GALNT14: variants seen among roughly 807,000 people sequenced by gnomAD.
GALNT14 encodes the protein polypeptide N-acetylgalactosaminyltransferase 14, also known as UDP-GalNAc:polypeptide N-acetylgalactosaminyltransferase 14.
In GALNT14, 60 loss-of-function variants were observed where a neutral mutation model predicts 77.5. That is an observed-to-expected ratio of 0.77 (90% CI 0.63 to 0.96). The LOEUF is 0.96. GALNT14 is among the 40% of genes least tolerant of loss of function. The pLI is 0.00. For synonymous variants in GALNT14, 280 were observed against 281.7 expected (o/e 0.99, Z 0.06); for missense variants, 710 against 731.0 (o/e 0.97, Z 0.33).
At chr2:31,085,616 C>G (rs1676389629) in intron 1 of GALNT14, among the ~76,000 whole-genome samples, 1 of 152,234 alleles carries the variant, frequency 6.6e-6, no homozygotes, top group African/African-American at 2.4e-5. Context: ...CACCCAGTCC[C>G]CTTCTCCTCC....
intron 1 of GALNT14, among the ~76,000 whole-genome samples, chr2:31,035,005 C>T (rs907741269): frequency 1.3e-5 from 2 of 152,164 alleles, no homozygotes; most frequent in South Asian, 2.1e-4. Context: ...GGTTGTGTTA[C>T]GGTCTAACAT....
intron 1 of GALNT14, among the ~76,000 whole-genome samples, chr2:31,023,969 T>C (rs757821216): frequency 3.3e-5 from 5 of 152,136 alleles, no homozygotes; most frequent in Non-Finnish European, 7.3e-5. Context: ...CACTTCCACT[T>C]TAAGGTCTAA....
At chr2:31,050,836 C>T (rs924050997) in intron 1 of GALNT14, among the ~76,000 whole-genome samples, 1 of 149,294 alleles carries the variant, frequency 6.7e-6, no homozygotes, top group Non-Finnish European at 1.5e-5. Flanking sequence ...TCCATGACAG[C>T]TGTTGGCATT....
chr2:31,104,012 T>C (rs1677426936), intron 1 of GALNT14, among the ~76,000 whole-genome samples: 1 of 152,186 alleles, frequency 6.6e-6, no homozygotes, highest in Admixed American at 6.5e-5. Context: ...TGGATATAAA[T>C]CGTTGGCTCA....
At chr2:31,048,058 G>A (rs1673588479) in intron 1 of GALNT14, among the ~76,000 whole-genome samples, 1 of 152,212 alleles carries the variant, frequency 6.6e-6, no homozygotes, top group African/African-American at 2.4e-5. Context: ...CAAAGCTGCT[G>A]AGCAGGTGAG....
intron 1 of GALNT14, among the ~76,000 whole-genome samples, chr2:31,114,225 T>C (rs1285456235): frequency 6.6e-6 from 1 of 151,356 alleles, no homozygotes; most frequent in African/African-American, 2.4e-5. Flanking sequence ...ACATCACCAT[T>C]CTCTGCTGAC....
chr2:31,055,619 T>C (rs1390592845), intron 1 of GALNT14, among the ~76,000 whole-genome samples: 2 of 152,130 alleles, frequency 1.3e-5, no homozygotes, highest in African/African-American at 4.8e-5. Flanking sequence ...CCCCCTGTTA[T>C]AAGGAGAGGG....
intron 2 of GALNT14, among the ~76,000 whole-genome samples, chr2:30,990,124 C>T (rs994083928): frequency 6.6e-6 from 1 of 152,148 alleles, no homozygotes; most frequent in Non-Finnish European, 1.5e-5. Context: ...GTTGTCACAA[C>T]TTGGGGAATG....
At chr2:31,015,200 G>A (rs1671275916) in intron 1 of GALNT14, among the ~76,000 whole-genome samples, 1 of 151,536 alleles carries the variant, frequency 6.6e-6, no homozygotes, top group Admixed American at 6.6e-5. Flanking sequence ...GCTGAGGCAG[G>A]AGAATCGCTT....
chr2:30,932,424 C>T (rs1316198226), intron 9 of GALNT14, among the ~76,000 whole-genome samples: 1 of 152,228 alleles, frequency 6.6e-6, no homozygotes, highest in African/African-American at 2.4e-5. Context: ...CAAACCAACA[C>T]GCTGGCCTCT....
intron 1 of GALNT14, among the ~76,000 whole-genome samples, chr2:31,058,142 A>G (rs368681043): frequency 6.6e-6 from 1 of 152,176 alleles, no homozygotes; most frequent in South Asian, 2.1e-4. Context: ...CCTTTCCATG[A>G]AAGTCCCCTC....
At chr2:30,937,091 G>C (rs1358481868) in intron 9 of GALNT14, among the ~76,000 whole-genome samples, 1 of 152,202 alleles carries the variant, frequency 6.6e-6, no homozygotes, top group African/African-American at 2.4e-5. Context: ...TATCACACTT[G>C]TATGCTCTTC....
intron 2 of GALNT14, among the ~76,000 whole-genome samples, chr2:30,984,092 T>C (rs1669152917): frequency 1.3e-5 from 2 of 152,134 alleles, no homozygotes; most frequent in Non-Finnish European, 2.9e-5. Context: ...CAGCAGTGAG[T>C]CTGGGGATGA....
intron 1 of GALNT14, chr2:31,129,158 A>T (rs1378419899): frequency 6.5e-6 from 1 of 154,472 alleles, no homozygotes; most frequent in East Asian, 1.9e-4. Context: ...CATATGCGTG[A>T]CAGTCAAAAG....
intron 2 of GALNT14, among the ~76,000 whole-genome samples, chr2:30,977,134 G>C (rs1668682442): frequency 6.9e-6 from 1 of 145,190 alleles, no homozygotes. Flanking sequence ...CTGTCACCCA[G>C]GCTGGAGTGT....
At chr2:30,971,746 C>T (rs1244565344) in intron 2 of GALNT14, among the ~76,000 whole-genome samples, 3 of 152,018 alleles carry the variant, frequency 2.0e-5, no homozygotes, top group Non-Finnish European at 4.4e-5. Flanking sequence ...CCTGCTCACC[C>T]CCACAACACC....
intron 4 of GALNT14, among the ~76,000 whole-genome samples, chr2:30,957,335 T>C (rs1169402902): frequency 6.6e-6 from 1 of 152,042 alleles, no homozygotes; most frequent in African/African-American, 2.4e-5. Flanking sequence ...AGCTAGTGAG[T>C]GATTTACAGG....
chr2:30,965,178 AAGG>A (rs1193367834), intron 3 of GALNT14, among the ~76,000 whole-genome samples: 1 of 151,926 alleles, frequency 6.6e-6, no homozygotes, highest in Non-Finnish European at 1.5e-5. Flanking sequence ...GGCTGACAAG[AAGG>A]AGGACTCTGA....
At chr2:31,071,095 C>T (rs191249315) in intron 1 of GALNT14, among the ~76,000 whole-genome samples, 8 of 152,190 alleles carry the variant, frequency 5.3e-5, no homozygotes, top group African/African-American at 1.4e-4. Flanking sequence ...TTTGGGGACT[C>T]GGGGAAAGGC....
Sources: allele counts gnomAD v4.1 joint callset (sites outside exome capture counted in the v4.1 genomes callset), GRCh38; gene constraint gnomAD v4.1.1; transcripts MANE v1.5; gene names NCBI Gene and HGNC (gene_info 2026-07-23, HGNC 2026-07-21).